The following PTPN9 variants were observed in gnomAD, a reference collection of about 807,000 sequenced individuals.
PTPN9 encodes protein tyrosine phosphatase non-receptor type 9.
Under a neutral mutation model 69.8 loss-of-function variants are expected in PTPN9, and 26 were observed. The ratio of observed to expected loss-of-function variants is 0.37; its 90% CI spans 0.27 to 0.52. The LOEUF is 0.52. Among genes scored for constraint, PTPN9 ranks in the 20% least tolerant of loss-of-function variants. The pLI is 0.91. For missense variants in PTPN9, 549 were observed against 740.3 expected, an observed-to-expected ratio of 0.74 and a Z score of 3.00; for synonymous variants, 274 against 272.5, an observed-to-expected ratio of 1.01 and a Z score of -0.05.
In PTPN9 at chr15:75,509,035, G is replaced by T; in HGVS notation, c.529-8C>A. ...ACGAGCTGGAAATGCTCCCTGTGGA[G>T]AAAACACATGAGGATTTAAGTGTAA... On this transcript the variant is annotated splice_polypyrimidine_tract_variant and splice_region_variant and intron_variant, in intron 5 of 12. Coordinates refer to ENST00000618819, the MANE Select transcript of PTPN9 (RefSeq NM_002833.4). 2 of 1,608,648 alleles carry T rather than the reference G, an allele frequency of 1.2e-6. No individual in the cohort carries two copies. The highest frequency in any genetic ancestry group is 1.7e-6 in the Non-Finnish European group (2 of 1,175,438).
At chr15:75,521,313 G>T (rs1211616044) in intron 4 of PTPN9, among the ~76,000 whole-genome samples, 11 of 151,122 alleles carry the variant, frequency 7.3e-5, no homozygotes, top group African/African-American at 2.7e-4. Context: ...AAAAACGGGC[G>T]TGGTGGCAGG....
chr15:75,470,641 C>T (rs762168452), intron 11 of PTPN9, 39 bp downstream of exon 11: 1 of 1,594,642 alleles, frequency 6.3e-7, no homozygotes, highest in East Asian at 2.2e-5. Context: ...TATTCTCCCC[C>T]TGTTTCAACA....
chr15:75,481,214 G>T (rs2074631826), intron 8 of PTPN9, among the ~76,000 whole-genome samples: 1 of 81,210 alleles, frequency 1.2e-5, no homozygotes, highest in East Asian at 3.5e-4. Context: ...CGTCTGAGAA[G>T]TGAGGAGACC....
chr15:75,575,985 G>T (rs1373181478), intron 1 of PTPN9, among the ~76,000 whole-genome samples: 1 of 149,204 alleles, frequency 6.7e-6, no homozygotes, highest in Non-Finnish European at 1.5e-5. Context: ...TGTAATCCCA[G>T]CATTTTGGGA....
At chr15:75,499,267 C>T (rs1358288148) in intron 7 of PTPN9, among the ~76,000 whole-genome samples, 2 of 151,936 alleles carry the variant, frequency 1.3e-5, no homozygotes, top group Non-Finnish European at 2.9e-5. Flanking sequence ...ATTCTAGGTT[C>T]TAAATCATAA....
chr15:75,478,480 A>G (rs1164786693), intron 9 of PTPN9, among the ~76,000 whole-genome samples: 1 of 152,114 alleles, frequency 6.6e-6, no homozygotes, highest in Non-Finnish European at 1.5e-5. Flanking sequence ...ATCTCGGCTC[A>G]GAGCAACCTC....
intron 1 of PTPN9, among the ~76,000 whole-genome samples, chr15:75,547,316 A>G (rs1247808967): frequency 7.9e-6 from 1 of 126,100 alleles, no homozygotes; most frequent in Non-Finnish European, 1.7e-5. Flanking sequence ...AAAAAAAAAA[A>G]GGCCAGGCAC....
chr15:75,567,393 C>T (rs1336187070), intron 1 of PTPN9, among the ~76,000 whole-genome samples: 1 of 152,040 alleles, frequency 6.6e-6, no homozygotes, highest in Non-Finnish European at 1.5e-5. Flanking sequence ...ATCATAATGA[C>T]GTGTATCTGT....
At chr15:75,490,825 C>T (rs1172325284) in intron 7 of PTPN9, among the ~76,000 whole-genome samples, 2 of 152,070 alleles carry the variant, frequency 1.3e-5, no homozygotes, top group Non-Finnish European at 2.9e-5. Context: ...CGGGGTTTCA[C>T]CATGTTAGCC....
chr15:75,478,388 A>G (rs1238070647), intron 9 of PTPN9, among the ~76,000 whole-genome samples: 1 of 152,170 alleles, frequency 6.6e-6, no homozygotes, highest in African/African-American at 2.4e-5. Context: ...TACAGGTGTG[A>G]GCCATTGTGA....
At chr15:75,576,265 C>T (rs1356908806) in intron 1 of PTPN9, among the ~76,000 whole-genome samples, 1 of 151,544 alleles carries the variant, frequency 6.6e-6, no homozygotes, top group African/African-American at 2.4e-5. Flanking sequence ...TGTGCAGTGG[C>T]TCACACCTGT....
chr15:75,472,520 C>T (rs1315315478), intron 10 of PTPN9, among the ~76,000 whole-genome samples: 5 of 151,706 alleles, frequency 3.3e-5, no homozygotes, highest in Non-Finnish European at 5.9e-5. Context: ...CCTGGCCAGG[C>T]GCAGTGGCCC....
chr15:75,551,014 C>G (rs1229589966), intron 1 of PTPN9, among the ~76,000 whole-genome samples: 1 of 152,096 alleles, frequency 6.6e-6, no homozygotes, highest in East Asian at 1.9e-4. Flanking sequence ...TTACTGAGTG[C>G]TTATAGTGTG....
chr15:75,540,555 AAAAAAAAG>A (rs1205736106), intron 1 of PTPN9, among the ~76,000 whole-genome samples: 11 of 142,536 alleles, frequency 7.7e-5, no homozygotes, highest in African/African-American at 2.1e-4. Flanking sequence ...AAAAAAAAAA[AAAAAAAAG>A]AAAGAAAGAA....
At chr15:75,498,063 G>A (rs2074752926) in intron 7 of PTPN9, among the ~76,000 whole-genome samples, 1 of 151,490 alleles carries the variant, frequency 6.6e-6, no homozygotes, top group South Asian at 2.1e-4. Context: ...GGGCGTGGTA[G>A]CAGGCACCTG....
intron 1 of PTPN9, among the ~76,000 whole-genome samples, chr15:75,530,502 T>A (rs1374795962): frequency 1.2e-5 from 1 of 85,134 alleles, no homozygotes; most frequent in African/African-American, 5.0e-5. Flanking sequence ...ATATATTATA[T>A]TATAATATAT....
At position 75,559,204 on chromosome 15, in the gene PTPN9, G is replaced by A. The variant is rs569383615; in HGVS notation, c.63+19510C>T. On this transcript the variant is annotated intron_variant, in intron 1 of 12. Coordinates refer to ENST00000618819, the MANE Select transcript of PTPN9 (RefSeq NM_002833.4). The stretch of plus-strand genomic sequence containing the variant: ...CCCCGTCTAAGTGAGGAGCCCCTCC[G>A]CCCGGCAGCCGCCCCGTCTAAGAAG... 3.9e-5 allele frequency among the ~76,000 whole-genome samples: 6 copies of A among 151,982 alleles called. No individual in the cohort carries two copies. The East Asian group carries it at 5.8e-4, about 15-fold the overall frequency.
chr15:75,565,297 T>A (rs2075122104), intron 1 of PTPN9, among the ~76,000 whole-genome samples: 2 of 152,092 alleles, frequency 1.3e-5, no homozygotes, highest in Non-Finnish European at 2.9e-5. Context: ...ATTGCTGAAA[T>A]CAGTATTTGG....
rs1166770294 is a variant in PTPN9 at position 75,513,168 on chromosome 15, T to C, written c.528+4091A>G. The stretch of plus-strand genomic sequence containing the variant: ...AGACTAGGCCCAGGTCTGCAGTTCT[T>C]TGCTCTGAAAAAAGAGACGTAATAG... On this transcript the variant is annotated intron_variant, in intron 5 of 12. Transcript: ENST00000618819. 7 of 431,348 alleles carry C rather than the reference T, an allele frequency of 1.6e-5. No individual in the cohort carries two copies. The Admixed American group carries it at 1.8e-4, about 11-fold the overall frequency. 26.7% of individuals were successfully genotyped at this position (431,348 alleles called of 1,614,324 possible). A position where few individuals can be genotyped will look rare whatever the true frequency, so the allele number is the denominator to read the frequency against.
Sources: gnomAD v4.1 joint callset for allele counts (sites outside exome capture counted in the v4.1 genomes callset) on GRCh38, gnomAD v4.1.1 for gene constraint, MANE v1.5 for transcripts, NCBI Gene and HGNC (gene_info 2026-07-23, HGNC 2026-07-21) for gene names.